Variants in MED15 observed in about 807,000 individuals in gnomAD.
MED15 encodes mediator of RNA polymerase II transcription subunit 15.
MED15 carries 41 observed loss-of-function variants against 118.7 expected under a neutral mutation model. That is an observed-to-expected ratio of 0.35 (90% confidence interval 0.27 to 0.45). The LOEUF is 0.45. Among genes scored for constraint, MED15 ranks in the 20% least tolerant of loss-of-function variants. The pLI, the probability that MED15 is intolerant of heterozygous loss-of-function variation, is 1.00. For missense variants in MED15, 740 were observed against 1,025.5 expected (o/e 0.72, Z 3.80); for synonymous variants, 436 against 413.9 (o/e 1.05, Z -0.65).
At chr22:20,584,515 ATCTGGGCGGGGGCCGGGCC>A in intron 14 of MED15, 90 bp downstream of exon 14, 1 of 1,457,286 alleles carries the variant, frequency 6.9e-7, no homozygotes, top group Admixed American at 1.7e-5. Flanking sequence ...AGGTCAGGGC[ATCTGGGCGGGGGCCGGGCC>A]TGACCTTGGA....
At chr22:20,544,000 C>T (rs2146480637) in intron 2 of MED15, among the ~76,000 whole-genome samples, 1 of 152,350 alleles carries the variant, frequency 6.6e-6, no homozygotes, top group South Asian at 2.1e-4. Flanking sequence ...CACCTTTGCT[C>T]TAGTTTCCAG....
intron 2 of MED15, among the ~76,000 whole-genome samples, chr22:20,537,765 T>C (rs2055137868): frequency 6.6e-6 from 1 of 152,252 alleles, no homozygotes; most frequent in Admixed American, 6.5e-5. Flanking sequence ...TTAATCTGTG[T>C]GTGCTCCCTG....
chr22:20,531,213 C>T (rs746092861), intron 1 of MED15, among the ~76,000 whole-genome samples: 25 of 152,160 alleles, frequency 1.6e-4, no homozygotes, highest in Non-Finnish European at 3.1e-4. Context: ...TTTGCTTTAT[C>T]TTAGTCTCAT....
At chr22:20,508,623 G>C (rs1395400819) in intron 1 of MED15, among the ~76,000 whole-genome samples, 1 of 152,138 alleles carries the variant, frequency 6.6e-6, no homozygotes, top group Non-Finnish European at 1.5e-5. Flanking sequence ...CAAGGGTGGG[G>C]AGAATTACAA....
chr22:20,576,854 T>C (rs933456350), intron 9 of MED15, among the ~76,000 whole-genome samples: 1 of 152,188 alleles, frequency 6.6e-6, no homozygotes, highest in Non-Finnish European at 1.5e-5. Flanking sequence ...CACTCTTGTC[T>C]GCTAAAACTG....
intron 3 of MED15, chr22:20,552,631 C>T (rs766212322): frequency 8.1e-6 from 3 of 369,878 alleles, no homozygotes; most frequent in Non-Finnish European, 1.6e-5. Context: ...ATGACTGCTA[C>T]AGAAGTTCTC....
At chr22:20,517,731 A>G (rs1357227517) in intron 1 of MED15, among the ~76,000 whole-genome samples, 1 of 152,072 alleles carries the variant, frequency 6.6e-6, no homozygotes, top group African/African-American at 2.4e-5. Flanking sequence ...CTGCAGGCCC[A>G]TTTCAGCTGC....
chr22:20,569,792 G>A (rs1030255444), intron 8 of MED15, among the ~76,000 whole-genome samples: 6 of 152,130 alleles, frequency 3.9e-5, no homozygotes, highest in Non-Finnish European at 1.5e-5. Flanking sequence ...TTACAGCTGG[G>A]GGAGGCTGAC....
chr22:20,529,571 A>G (rs545749066), intron 1 of MED15, among the ~76,000 whole-genome samples: 28 of 151,450 alleles, frequency 1.8e-4, no homozygotes, highest in Middle Eastern at 3.4e-3. Context: ...ATTATAATGC[A>G]CGCCACCATG....
chr22:20,529,853 A>G (rs1042578476), intron 1 of MED15, among the ~76,000 whole-genome samples: 1 of 151,398 alleles, frequency 6.6e-6, no homozygotes, highest in African/African-American at 2.4e-5. Flanking sequence ...TGGCCTCCCA[A>G]AGTGCTGGGA....
intron 1 of MED15, among the ~76,000 whole-genome samples, chr22:20,524,766 C>T (rs1025358996): frequency 2.0e-5 from 3 of 152,160 alleles, no homozygotes; most frequent in African/African-American, 7.2e-5. Flanking sequence ...GGCTTACAGG[C>T]GCCTGCCACC....
chr22:20,570,682 C>G (rs1407481542), intron 8 of MED15, among the ~76,000 whole-genome samples: 2 of 150,908 alleles, frequency 1.3e-5, no homozygotes, highest in African/African-American at 4.9e-5. Context: ...TGAGCCATCG[C>G]ACCCAGCCTA....
intron 13 of MED15, chr22:20,583,781 A>C (rs2057057671): frequency 3.8e-6 from 1 of 265,020 alleles, no homozygotes; most frequent in East Asian, 8.1e-5. Context: ...CAGTTACCCC[A>C]TTTGTAGCCC....
intron 1 of MED15, among the ~76,000 whole-genome samples, chr22:20,529,621 CAG>C (rs1307021702): frequency 1.3e-5 from 2 of 151,928 alleles, no homozygotes; most frequent in African/African-American, 4.8e-5. Flanking sequence ...ATTTTTGAGA[CAG>C]AGTTTCACTC....
At chr22:20,536,871 T>G (rs2055099645) in intron 1 of MED15, among the ~76,000 whole-genome samples, 3 of 152,020 alleles carry the variant, frequency 2.0e-5, no homozygotes, top group Admixed American at 2.0e-4. Context: ...ATGCCAGGGC[T>G]CTCTCTTTGC....
Position 20,564,669 on chromosome 22 carries a change from A to G in MED15, c.671A>G (p.His224Arg). 6.2e-7 allele frequency: 1 copy of G among 1,614,222 alleles called. No homozygotes were observed. The highest frequency in any genetic ancestry group is 8.5e-7 in the Non-Finnish European group (1 of 1,180,036). ...QQQQQHLIKL[H>R]HQNQQQIQQQ... The stretch of plus-strand genomic sequence containing the variant: ...CAGCAGCAGCATCTAATTAAATTGC[A>G]TCATCAAAATCAGCAACAGGTACCA... The change falls in exon 6 of 18, where the codon CAT (histidine) becomes CGT (arginine). Residue 224 changes from histidine (H) to arginine (R), a missense_variant. His to Arg is a conservative substitution (Grantham distance 29). This residue lies in a region of MED15 where 384 missense variants were observed against 506.3 expected (regional missense o/e 0.76). Coordinates refer to ENST00000263205, the MANE Select transcript of MED15 (RefSeq NM_001003891.3).
chr22:20,555,933 G>C (rs116891401), intron 5 of MED15, among the ~76,000 whole-genome samples: 3,657 of 152,282 alleles, frequency 0.024, 77 homozygotes, highest in Non-Finnish European at 0.038. Context: ...ATGTTGCCCA[G>C]GCTTATCTTG....
At chr22:20,584,550 C>A in intron 14 of MED15, 125 bp downstream of exon 14, 2 of 1,148,634 alleles carry the variant, frequency 1.7e-6, no homozygotes, top group South Asian at 1.3e-5. Flanking sequence ...TTGGACCCTG[C>A]CCACGAGGCT....
intron 1 of MED15, among the ~76,000 whole-genome samples, chr22:20,511,510 G>C (rs200082119): frequency 6.9e-6 from 1 of 144,254 alleles, no homozygotes; most frequent in African/African-American, 2.6e-5. Flanking sequence ...AAAAAAAAAA[G>C]CATTCTGAGT....
Sources: allele counts gnomAD v4.1 joint callset (sites outside exome capture counted in the v4.1 genomes callset), GRCh38; gene constraint gnomAD v4.1.1; regional missense constraint gnomAD v4.1.1; transcripts MANE v1.5; gene names NCBI Gene and HGNC (gene_info 2026-07-23, HGNC 2026-07-21).